The following PGPEP1L variants were observed in gnomAD, a reference collection of about 807,000 sequenced individuals.
The protein encoded by PGPEP1L is pyroglutamyl-peptidase I like.
A neutral mutation model predicts 6.0 loss-of-function variants in PGPEP1L; 7 were observed. That is an observed-to-expected ratio of 1.17 (90% CI 0.66 to 2.19). The LOEUF (loss-of-function observed/expected upper bound fraction) is 2.19, where lower values mean the gene tolerates loss of function less well. Ranked by LOEUF, PGPEP1L falls within the 30% of genes most tolerant of loss-of-function variation. PGPEP1L has a pLI of 0.00. For missense variants in PGPEP1L, 209 were observed against 192.5 expected (o/e 1.09, Z -0.51); for synonymous variants, 103 against 83.9 (o/e 1.23, Z -1.24).
intron 2 of PGPEP1L, among the ~76,000 whole-genome samples, chr15:98,984,009 C>CTTTTTTTTTTTTTTT (rs71456904): frequency 3.0e-4 from 35 of 115,774 alleles, no homozygotes; most frequent in Middle Eastern, 4.9e-3. Context: ...AGTAAGTAGT[C>CTTTTTTTTTTTTTTT]TTTTTTTTTT....
chr15:98,972,806 G>A (rs1016316347), intron 2 of PGPEP1L, among the ~76,000 whole-genome samples: 2 of 149,678 alleles, frequency 1.3e-5, no homozygotes, highest in African/African-American at 4.9e-5. Context: ...AGGAGGCGGA[G>A]CTTGCAGTGA....
chr15:98,987,710 G>C (rs1429770999), intron 2 of PGPEP1L, among the ~76,000 whole-genome samples: 2 of 152,088 alleles, frequency 1.3e-5, no homozygotes, highest in Non-Finnish European at 2.9e-5. Context: ...AGCCAAATAG[G>C]AGCAGCTCCA....
rs906656007 is a variant in PGPEP1L, at chr15:98,973,925, G to A, written c.-141-2767C>T. 5.3e-5 allele frequency among the ~76,000 whole-genome samples: 8 copies of A among 152,050 alleles called. No individual in the cohort carries two copies. In the South Asian group the frequency reaches 1.0e-3, roughly 20 times the overall value. ...TGCTGATATGAATAGGTGGTTTTGG[G>A]AACAAACAGAATCAACAAGCCTTTA... On this transcript the variant is annotated intron_variant, in intron 2 of 4. Coordinates refer to ENST00000535714, the MANE Select transcript of PGPEP1L (RefSeq NM_001167902.2).
intron 2 of PGPEP1L, among the ~76,000 whole-genome samples, chr15:99,000,891 TACAA>T (rs782017942): frequency 5.6e-4 from 85 of 152,234 alleles, no homozygotes; most frequent in Middle Eastern, 6.8e-3. Flanking sequence ...TTTCGCTCTT[TACAA>T]TCAATCTTGC....
intron 2 of PGPEP1L, among the ~76,000 whole-genome samples, chr15:98,990,727 A>G (rs2017807640): frequency 6.6e-6 from 1 of 152,242 alleles, no homozygotes; most frequent in African/African-American, 2.4e-5. Flanking sequence ...AACACTCCTC[A>G]GCAAATGCAA....
chr15:98,971,951 A>G (rs1034572214), intron 2 of PGPEP1L, among the ~76,000 whole-genome samples: 2 of 152,238 alleles, frequency 1.3e-5, no homozygotes, highest in African/African-American at 4.8e-5. Context: ...TTTCTTTGCA[A>G]TCCATGTTCA....
chr15:99,006,656 G>T (rs569165707), intron 1 of PGPEP1L, among the ~76,000 whole-genome samples: 18 of 152,270 alleles, frequency 1.2e-4, no homozygotes, highest in African/African-American at 4.3e-4. Flanking sequence ...TGGCAAGACT[G>T]CATCAATTAT....
chr15:98,977,208 T>A (rs917661119), intron 2 of PGPEP1L, among the ~76,000 whole-genome samples: 11 of 152,182 alleles, frequency 7.2e-5, no homozygotes, highest in African/African-American at 2.7e-4. Flanking sequence ...TTGGTTTGAT[T>A]TCTATTGTTA....
chr15:99,007,051 C>G (rs1478529580), intron 1 of PGPEP1L, among the ~76,000 whole-genome samples: 3 of 152,182 alleles, frequency 2.0e-5, no homozygotes, highest in African/African-American at 7.2e-5. Flanking sequence ...GGATCACCCC[C>G]GCGGATTAGA....
At position 98,968,644 on chromosome 15, in the gene PGPEP1L, G is replaced by A. The variant is rs2715423; in HGVS notation, c.263C>T (p.Ala88Val). The A allele has an allele frequency of 0.25, 406,053 of 1,595,292 alleles. 55,222 individuals carry two copies. The highest frequency in any genetic ancestry group is 0.28 in the Non-Finnish European group (331,683 of 1,170,504). The change falls in exon 5 of 5, where the codon GCG (alanine) becomes GTG (valine). Residue 88 changes from alanine to valine, a missense_variant. By Grantham distance (64) the Ala-to-Val change is moderately conservative (BLOSUM62 0). Transcript: ENST00000535714. ...TAGTGGAGGGACATGGATGAGTGCC[G>A]CGCAGCCCTTTCCATGATGCAGAGA... is the stretch of plus-strand genomic sequence containing the variant. ...YLSLHHGKGC[A>V]ALIHVPPLSR...
At position 98,982,339 on chromosome 15, in the gene PGPEP1L, T is replaced by TATTCTTGTGG. The variant is rs147120387; in HGVS notation, c.-141-11191_-141-11182dup. ...TTGCCATGGACTCACACAGTCCCCATATTCTTGTGGATTCTTGTGGATTCT... is the reference window on the plus strand; with the variant it reads ...TTGCCATGGACTCACACAGTCCCCATATTCTTGTGGATTCTTGTGGATTCTTGTGGATTCT... On this transcript the variant is annotated intron_variant, in intron 2 of 4. Transcript: ENST00000535714. 6.0e-3 allele frequency among the ~76,000 whole-genome samples: 917 copies of TATTCTTGTGG among 152,254 alleles called. 9 individuals carry two copies. Among genetic ancestry groups the TATTCTTGTGG allele is most frequent in the African/African-American group, 0.021 (858 of 41,518 alleles).
At chr15:98,983,828 C>A (rs1291419405) in intron 2 of PGPEP1L, among the ~76,000 whole-genome samples, 1 of 152,086 alleles carries the variant, frequency 6.6e-6, no homozygotes, top group East Asian at 1.9e-4. Context: ...TATTTTTCTT[C>A]TTTTCAAAAT....
chr15:98,978,706 G>GTGTA (rs1454206317), intron 2 of PGPEP1L, among the ~76,000 whole-genome samples: 2 of 90,578 alleles, frequency 2.2e-5, no homozygotes, highest in East Asian at 3.3e-4. Flanking sequence ...ATTAGACTGT[G>GTGTA]TATATATATA....
chr15:98,981,885 C>G (rs1169694281), intron 2 of PGPEP1L, among the ~76,000 whole-genome samples: 3 of 152,028 alleles, frequency 2.0e-5, no homozygotes, highest in African/African-American at 7.2e-5. Context: ...TGTTTAGCAC[C>G]CTGGAAAAGG....
rs551870468 is a variant in PGPEP1L, at chr15:98,979,081, G to C, written c.-141-7923C>G. On this transcript the variant is annotated intron_variant, in intron 2 of 4. Coordinates refer to ENST00000535714, the MANE Select transcript of PGPEP1L (RefSeq NM_001167902.2). ...TTACATTTATGGCAGCACAAATATA[G>C]CCCCAATGCCCTCAAGATTCTGGTC... Among the ~76,000 whole-genome samples, 3 of 151,802 alleles carry C rather than the reference G, an allele frequency of 2.0e-5. No homozygotes were observed. The East Asian group carries it at 5.8e-4, about 29-fold the overall frequency.
At chr15:99,006,486 A>C (rs782790849) in intron 1 of PGPEP1L, among the ~76,000 whole-genome samples, 1 of 152,222 alleles carries the variant, frequency 6.6e-6, no homozygotes, top group African/African-American at 2.4e-5. Context: ...TCTATCGAAA[A>C]AGCTGTTTTC....
At chr15:99,006,972 G>A (rs1472877695) in intron 1 of PGPEP1L, among the ~76,000 whole-genome samples, 7 of 152,210 alleles carry the variant, frequency 4.6e-5, no homozygotes, top group Non-Finnish European at 5.9e-5. Flanking sequence ...AGAGCTCAGT[G>A]TGACAGCAGG....
intron 2 of PGPEP1L, among the ~76,000 whole-genome samples, chr15:98,994,620 C>T (rs116993896): frequency 0.017 from 2,523 of 152,268 alleles, 26 homozygotes; most frequent in Non-Finnish European, 0.021. Context: ...ATTATTACTA[C>T]GACCTTATAC....
At chr15:98,971,665 A>C (rs189943534) in intron 2 of PGPEP1L, among the ~76,000 whole-genome samples, 1 of 152,356 alleles carries the variant, frequency 6.6e-6, no homozygotes, top group African/African-American at 2.4e-5. Context: ...AAAGGGTTCA[A>C]CTTGAAAGAA....
Sources: allele counts gnomAD v4.1 joint callset (sites outside exome capture counted in the v4.1 genomes callset), GRCh38; gene constraint gnomAD v4.1.1; transcripts MANE v1.5; gene names NCBI Gene and HGNC (gene_info 2026-07-23, HGNC 2026-07-21).